The following PTPRD variants were observed in gnomAD, a reference collection of about 807,000 sequenced individuals.
The protein encoded by PTPRD is receptor-type tyrosine-protein phosphatase delta.
A neutral mutation model predicts 214.5 loss-of-function variants in PTPRD; 34 were observed. The ratio of observed to expected loss-of-function variants is 0.16; its 90% CI spans 0.12 to 0.21. The LOEUF is 0.21. Ranked by LOEUF, PTPRD falls within the 10% of genes least tolerant of loss-of-function variation. PTPRD has a pLI of 1.00. For synonymous variants in PTPRD, 1,128 were observed against 845.7 expected, an observed-to-expected ratio of 1.33 and a Z score of -5.79; for missense variants, 2,545 against 2,398.7, an observed-to-expected ratio of 1.06 and a Z score of -1.27.
chr9:8,943,565 AT>A (rs1390651298), intron 11 of PTPRD, among the ~76,000 whole-genome samples: 10 of 146,748 alleles, frequency 6.8e-5, no homozygotes, highest in African/African-American at 2.4e-4. Flanking sequence ...ATTTTTAATA[AT>A]TTTATTTATT....
chr9:9,540,012 T>C (rs1421251706), intron 8 of PTPRD, among the ~76,000 whole-genome samples: 1 of 151,824 alleles, frequency 6.6e-6, no homozygotes, highest in Non-Finnish European at 1.5e-5. Flanking sequence ...AAATTCTTCC[T>C]AGGGAAGTAT....
chr9:9,634,341 G>T (rs540714796), intron 7 of PTPRD, among the ~76,000 whole-genome samples: 1 of 152,214 alleles, frequency 6.6e-6, no homozygotes, highest in East Asian at 1.9e-4. Flanking sequence ...TTTCTCACAA[G>T]AAATGATATG....
intron 11 of PTPRD, among the ~76,000 whole-genome samples, chr9:8,973,172 A>G (rs1479304010): frequency 6.6e-6 from 1 of 151,970 alleles, no homozygotes; most frequent in African/African-American, 2.4e-5. Flanking sequence ...CCAGGGTGTG[A>G]GCATAATACT....
chr9:9,024,597 A>G (rs1240784057), intron 10 of PTPRD, among the ~76,000 whole-genome samples: 1 of 151,724 alleles, frequency 6.6e-6, no homozygotes, highest in Admixed American at 6.6e-5. Context: ...AGATATTATC[A>G]TTTTAAAATT....
intron 2 of PTPRD, among the ~76,000 whole-genome samples, chr9:10,491,850 C>T (rs973444323): frequency 1.3e-5 from 2 of 151,998 alleles, no homozygotes; most frequent in African/African-American, 4.8e-5. Context: ...TGTTCTAATG[C>T]TCTCCCTCTC....
intron 8 of PTPRD, among the ~76,000 whole-genome samples, chr9:9,428,840 G>A (rs1165341733): frequency 1.3e-5 from 2 of 152,160 alleles, no homozygotes; most frequent in East Asian, 1.9e-4. Flanking sequence ...AAATAAAGAT[G>A]TTCTTTGAAA....
chr9:8,876,635 T>G (rs1039141276), intron 11 of PTPRD, among the ~76,000 whole-genome samples: 1 of 152,212 alleles, frequency 6.6e-6, no homozygotes, highest in African/African-American at 2.4e-5. Flanking sequence ...AAGTCTAAGT[T>G]AATATACTCT....
At chr9:9,065,307 A>T (rs182466385) in intron 10 of PTPRD, among the ~76,000 whole-genome samples, 1 of 152,244 alleles carries the variant, frequency 6.6e-6, no homozygotes, top group East Asian at 1.9e-4. Context: ...AAAAGTGACA[A>T]TGGTAGAAAT....
At chr9:8,536,802 G>T (rs1339653705) in intron 14 of PTPRD, among the ~76,000 whole-genome samples, 1 of 151,992 alleles carries the variant, frequency 6.6e-6, no homozygotes, top group African/African-American at 2.4e-5. Context: ...TCCCTCTTCG[G>T]TTTATGGGAC....
At chr9:8,509,444 T>C (rs2097625521) in intron 21 of PTPRD, among the ~76,000 whole-genome samples, 1 of 152,134 alleles carries the variant, frequency 6.6e-6, no homozygotes, top group Non-Finnish European at 1.5e-5. Context: ...GCTTCTTTCT[T>C]TCTCCCAATT....
At chr9:9,778,799 G>C (rs2098819862) in intron 5 of PTPRD, among the ~76,000 whole-genome samples, 1 of 151,914 alleles carries the variant, frequency 6.6e-6, no homozygotes, top group African/African-American at 2.4e-5. Flanking sequence ...CAAAGTATGG[G>C]AGTACAGAGT....
intron 10 of PTPRD, among the ~76,000 whole-genome samples, chr9:9,075,975 G>A (rs1340091567): frequency 6.6e-6 from 1 of 152,190 alleles, no homozygotes; most frequent in Non-Finnish European, 1.5e-5. Context: ...AGATCCTAGA[G>A]AAATCGCCAT....
At chr9:8,318,083 A>T in intron 45 of PTPRD, 141 bp from the exon 46 acceptor site, 1 of 689,324 alleles carries the variant, frequency 1.5e-6, no homozygotes, top group Non-Finnish European at 2.4e-6. Context: ...GTCTAATCCA[A>T]TGACCAATTG....
chr9:10,420,707 G>T (rs2098537954), intron 2 of PTPRD, among the ~76,000 whole-genome samples: 1 of 151,700 alleles, frequency 6.6e-6, no homozygotes. Flanking sequence ...CTAATAAAAT[G>T]TTTTATATTT....
At chr9:9,166,963 C>T (rs1182732407) in intron 10 of PTPRD, among the ~76,000 whole-genome samples, 1 of 152,090 alleles carries the variant, frequency 6.6e-6, no homozygotes, top group Non-Finnish European at 1.5e-5. Context: ...AATATACGCT[C>T]TTAGCTGAGT....
chr9:10,449,461 C>G lies in PTPRD; in HGVS notation c.-599-108444G>C, dbSNP rs567535224. Reference sequence around the variant, plus strand: ...ATGGCAGCCTCCGCCCGGCGGCCACCCCGTCTGGGAAGTGAGGAGCCTCTC... The same window carrying G: ...ATGGCAGCCTCCGCCCGGCGGCCACGCCGTCTGGGAAGTGAGGAGCCTCTC... On this transcript the variant is annotated intron_variant, in intron 2 of 45. Transcript: ENST00000381196. 4.6e-5 allele frequency among the ~76,000 whole-genome samples: 7 copies of G among 151,916 alleles called. No homozygotes were observed. The East Asian group carries it at 7.8e-4, about 17-fold the overall frequency.
intron 10 of PTPRD, among the ~76,000 whole-genome samples, chr9:9,045,571 T>G (rs943632967): frequency 3.9e-5 from 6 of 152,200 alleles, no homozygotes; most frequent in Non-Finnish European, 8.8e-5. Flanking sequence ...TGGTTGCTTC[T>G]ATGTTATGAA....
At chr9:8,857,353 G>A (rs1306491926) in intron 11 of PTPRD, among the ~76,000 whole-genome samples, 1 of 152,166 alleles carries the variant, frequency 6.6e-6, no homozygotes, top group African/African-American at 2.4e-5. Context: ...GAGAGCGGGG[G>A]TCGCACAAAT....
intron 33 of PTPRD, among the ~76,000 whole-genome samples, chr9:8,454,989 G>T (rs999378775): frequency 6.6e-6 from 1 of 152,134 alleles, no homozygotes; most frequent in Non-Finnish European, 1.5e-5. Flanking sequence ...TGGGAATACA[G>T]CATCATTCCA....
Sources: gnomAD v4.1 joint callset for allele counts (sites outside exome capture counted in the v4.1 genomes callset) on GRCh38, gnomAD v4.1.1 for gene constraint, MANE v1.5 for transcripts, NCBI Gene and HGNC (gene_info 2026-07-23, HGNC 2026-07-21) for gene names.